The following AFF3 variants were observed in gnomAD, a reference collection of about 807,000 sequenced individuals.
AFF3 encodes ALF transcription elongation factor 3, also known as AF4/FMR2 family member 3.
Under a neutral mutation model 129.7 loss-of-function variants are expected in AFF3, and 32 were observed. That is an observed-to-expected ratio of 0.25 (90% CI 0.19 to 0.33). The LOEUF is 0.33. AFF3 is among the 10% of genes least tolerant of loss of function. The pLI is 1.00. For missense variants in AFF3, 1,373 were observed against 1,592.0 expected, an observed-to-expected ratio of 0.86 and a Z score of 2.34; for synonymous variants, 644 against 635.4, an observed-to-expected ratio of 1.01 and a Z score of -0.20.
At chr2:99,637,422 C>CTTTTTTGAATCTTT (rs1342265871) in intron 13 of AFF3, among the ~76,000 whole-genome samples, 1 of 152,198 alleles carries the variant, frequency 6.6e-6, no homozygotes, top group Admixed American at 6.5e-5. Flanking sequence ...TGAAATGCAT[C>CTTTTTTGAATCTTT]TTTTTTGAAT....
chr2:100,103,737 GGGA>G (rs1439431948), intron 4 of AFF3, among the ~76,000 whole-genome samples: 1 of 152,032 alleles, frequency 6.6e-6, no homozygotes, highest in Non-Finnish European at 1.5e-5. Context: ...GGGTGGGGTG[GGGA>G]GGAGGAGTGC....
chr2:99,984,934 G>A (rs1284649637), intron 7 of AFF3, among the ~76,000 whole-genome samples: 13 of 152,150 alleles, frequency 8.5e-5, no homozygotes, highest in Admixed American at 8.5e-4. Context: ...TCACAAAGCA[G>A]CCCCGTTCTG....
chr2:99,802,378 G>GTT (rs1221366279), intron 8 of AFF3, among the ~76,000 whole-genome samples: 1 of 152,180 alleles, frequency 6.6e-6, no homozygotes, highest in East Asian at 1.9e-4. Flanking sequence ...TACATTAAAA[G>GTT]TTTTCTTGGC....
At chr2:100,066,575 C>T (rs1687733552) in intron 4 of AFF3, among the ~76,000 whole-genome samples, 2 of 152,126 alleles carry the variant, frequency 1.3e-5, no homozygotes, top group Non-Finnish European at 2.9e-5. Context: ...TACTAGATGT[C>T]AATTACACTT....
At chr2:99,854,574 AAACACAT>A (rs1406683309) in intron 7 of AFF3, among the ~76,000 whole-genome samples, 6 of 152,334 alleles carry the variant, frequency 3.9e-5, no homozygotes, top group Middle Eastern at 6.8e-3. Flanking sequence ...CAAATCCACT[AAACACAT>A]AGTCATTAAT....
At chr2:99,648,917 A>ACACACACACACACTCTCTCTCTCT in intron 13 of AFF3, among the ~76,000 whole-genome samples, 2 of 46,870 alleles carry the variant, frequency 4.3e-5, no homozygotes, top group South Asian at 1.2e-3. Flanking sequence ...ACACACACAC[A>ACACACACACACACTCTCTCTCTCT]CTCTCTCTCT....
chr2:99,627,256 A>T (rs1367052574), intron 13 of AFF3, among the ~76,000 whole-genome samples: 1 of 151,944 alleles, frequency 6.6e-6, no homozygotes, highest in East Asian at 1.9e-4. Context: ...TTGACTTTTA[A>T]ATAATAGCCA....
intron 4 of AFF3, among the ~76,000 whole-genome samples, chr2:100,071,959 C>T (rs374139517): frequency 4.2e-4 from 64 of 152,148 alleles, no homozygotes; most frequent in African/African-American, 1.4e-3. Flanking sequence ...ATTTTTATGC[C>T]TTCTGACATC....
At chr2:99,750,336 T>C (rs1161428669) in intron 9 of AFF3, among the ~76,000 whole-genome samples, 2 of 150,798 alleles carry the variant, frequency 1.3e-5, no homozygotes, top group African/African-American at 4.9e-5. Context: ...TTTTCATTCA[T>C]CATACAGACA....
intron 4 of AFF3, among the ~76,000 whole-genome samples, chr2:100,088,804 TC>T (rs2105397579): frequency 6.6e-6 from 1 of 152,212 alleles, no homozygotes; most frequent in South Asian, 2.1e-4. Context: ...CGGCTACATT[TC>T]CATTTATTTC....
intron 7 of AFF3, among the ~76,000 whole-genome samples, chr2:99,841,439 C>A (rs112602436): frequency 4.4e-4 from 67 of 152,274 alleles, no homozygotes; most frequent in African/African-American, 1.6e-3. Context: ...GCTAAGGAGG[C>A]GGCAGAGGTG....
chr2:99,841,882 G>A (rs1689341832), intron 7 of AFF3, among the ~76,000 whole-genome samples: 1 of 152,170 alleles, frequency 6.6e-6, no homozygotes, highest in Admixed American at 6.5e-5. Context: ...TCATGCTGAG[G>A]TAACTTGCAT....
chr2:99,957,173 G>A (rs1357178371), intron 7 of AFF3, among the ~76,000 whole-genome samples: 2 of 140,780 alleles, frequency 1.4e-5, no homozygotes, highest in African/African-American at 5.7e-5. Context: ...GCATGTACGT[G>A]TGTGTGTGCG....
At position 100,007,310 on chromosome 2, in the gene AFF3, C is replaced by T. The variant is rs556588114; in HGVS notation, c.325G>A (p.Asp109Asn). 20 of 1,614,086 alleles carry T rather than the reference C, an allele frequency of 1.2e-5. No individual in the cohort carries two copies. In the African/African-American group the frequency reaches 1.3e-4, roughly 11 times the overall value. ...GVPQTPVNKI[D>N]EHFVADSRAQ... is the part of the protein sequence containing the mutation. ...CTTGAATCTGCAACAAAATGTTCATCGATCTTGTTCACAGGAGTCTGAGGA... is the reference window on the plus strand; with the variant it reads ...CTTGAATCTGCAACAAAATGTTCATTGATCTTGTTCACAGGAGTCTGAGGA... The change falls in exon 6 of 25, where the codon GAT (aspartate) becomes AAT (asparagine). Residue 109 changes from aspartate (D) to asparagine (N), a missense_variant. Coordinates refer to ENST00000672756, the MANE Select transcript of AFF3 (RefSeq NM_001386135.1).
chr2:100,057,687 C>T (rs927968348), intron 4 of AFF3, among the ~76,000 whole-genome samples: 6 of 152,166 alleles, frequency 3.9e-5, no homozygotes, highest in African/African-American at 1.4e-4. Flanking sequence ...AAACTCAATG[C>T]TACCTCCCCA....
At position 99,989,994 on chromosome 2, in the gene AFF3, C is replaced by T. The variant is rs10205499; in HGVS notation, c.873+16638G>A. On this transcript the variant is annotated intron_variant, in intron 7 of 24. Coordinates refer to ENST00000672756, the MANE Select transcript of AFF3 (RefSeq NM_001386135.1). The stretch of plus-strand genomic sequence containing the variant: ...ATTGAGTTGTGTTTCATCAGAATAT[C>T]ATGGGAATTAGCCTGTATTCTTGTA... Among the ~76,000 whole-genome samples the T allele has an allele frequency of 8.3e-3, 1,258 of 152,242 alleles. 17 individuals carry two copies. The highest frequency in any genetic ancestry group is 0.029 in the African/African-American group (1,187 of 41,540).
chr2:99,788,937 T>C (rs180828334), intron 8 of AFF3, among the ~76,000 whole-genome samples: 24 of 152,352 alleles, frequency 1.6e-4, no homozygotes, highest in Admixed American at 1.3e-3. Context: ...TATAGTAGCA[T>C]GCTGTGCAGG....
chr2:100,011,564 C>T, intron 4 of AFF3: 1 of 780,980 alleles, frequency 1.3e-6, no homozygotes, highest in Non-Finnish European at 2.4e-6. Context: ...TTTAAGATGT[C>T]TTCACCCCTG....
At chr2:99,574,279 G>A (rs1281482690) in intron 18 of AFF3, among the ~76,000 whole-genome samples, 1 of 152,186 alleles carries the variant, frequency 6.6e-6, no homozygotes, top group Non-Finnish European at 1.5e-5. Context: ...AGGGGAGGAG[G>A]TGAGGTCACA....
Sources: allele counts gnomAD v4.1 joint callset (sites outside exome capture counted in the v4.1 genomes callset), GRCh38; gene constraint gnomAD v4.1.1; transcripts MANE v1.5; gene names NCBI Gene and HGNC (gene_info 2026-07-23, HGNC 2026-07-21).